Variants in CLDN1 observed in about 807,000 individuals in gnomAD.
The protein encoded by CLDN1 is claudin-1.
A neutral mutation model predicts 22.6 loss-of-function variants in CLDN1; 12 were observed. That is an observed-to-expected ratio of 0.53 (90% CI 0.34 to 0.86). The LOEUF (loss-of-function observed/expected upper bound fraction) is 0.86, where lower values mean the gene tolerates loss of function less well. Among genes scored for constraint, CLDN1 ranks in the 40% least tolerant of loss-of-function variants. The pLI is 0.02. For missense variants in CLDN1, 250 were observed against 269.5 expected, an observed-to-expected ratio of 0.93 and a Z score of 0.51; for synonymous variants, 99 against 103.8, an observed-to-expected ratio of 0.95 and a Z score of 0.28.
rs1221921292 is a variant in CLDN1, at chr3:190,322,086, C to A, written c.121G>T (p.Val41Leu). The A allele has an allele frequency of 6.2e-7, 1 of 1,614,080 alleles. No individual in the cohort carries two copies. Among genetic ancestry groups the A allele is most frequent in the Admixed American group, 1.7e-5 (1 of 60,012 alleles). The change falls in exon 1 of 4, where the codon GTG becomes TTG. Residue 41 changes from valine to leucine, a missense_variant. Physicochemically the swap from Val to Leu is conservative, Grantham distance 32. Transcript: ENST00000295522. ...CCCTCGTACATGGCCTGGGCGGTCA[C>A]GATGTTGTCGCCGGCATAGGAGTAA... ...RIYSYAGDNIVTAQAMYEGLW... is the reference protein window; with the variant it reads ...RIYSYAGDNILTAQAMYEGLW...
intron 1 of CLDN1, among the ~76,000 whole-genome samples, chr3:190,315,219 A>T (rs749045448): frequency 6.6e-6 from 1 of 152,142 alleles, no homozygotes; most frequent in Non-Finnish European, 1.5e-5. Flanking sequence ...TGAAGAGGAG[A>T]TGCTGAAAGT....
rs1209133784 is a variant in CLDN1 at position 190,322,386 on chromosome 3, G to C, written c.-180C>G. 7.8e-6 allele frequency: 5 copies of C among 641,906 alleles called. No individual in the cohort carries two copies. In the East Asian group the frequency reaches 1.4e-4, roughly 17 times the overall value. The allele number at this position is 641,906 out of a possible 1,614,324, so 39.8% of individuals were successfully genotyped here. A position where few individuals can be genotyped will look rare whatever the true frequency, so the allele number is the denominator to read the frequency against. ...GGGTCGGGGTTGGGGTCCGCGCCCGGGGCGGCGCTGGAGTCTGGATACTAG... is the reference window on the plus strand; with the variant it reads ...GGGTCGGGGTTGGGGTCCGCGCCCGCGGCGGCGCTGGAGTCTGGATACTAG... On this transcript the variant is annotated 5_prime_UTR_variant, in exon 1 of 4. Coordinates refer to ENST00000295522, the MANE Select transcript of CLDN1 (RefSeq NM_021101.5).
chr3:190,319,976 T>G (rs1365662626), intron 1 of CLDN1, among the ~76,000 whole-genome samples: 1 of 152,210 alleles, frequency 6.6e-6, no homozygotes, highest in African/African-American at 2.4e-5. Context: ...GAGAAAGGCC[T>G]AAGCCACACC....
chr3:190,310,412 T>G (rs1716581227), intron 2 of CLDN1, among the ~76,000 whole-genome samples, 159 bp from the exon 3 acceptor site: 1 of 152,180 alleles, frequency 6.6e-6, no homozygotes, highest in Non-Finnish European at 1.5e-5. Flanking sequence ...CAGATATGAT[T>G]TATTCCAAGT....
intron 2 of CLDN1, among the ~76,000 whole-genome samples, chr3:190,310,986 CT>C (rs960667495): frequency 1.4e-4 from 21 of 152,000 alleles, no homozygotes; most frequent in African/African-American, 5.1e-4. Context: ...AGTTAAATAA[CT>C]TTTTTGTAGT....
chr3:190,307,990 A>C lies in CLDN1; in HGVS notation c.*287T>G. ...AACATGTATATATACATATCTATATATATTTAAGGAGCACCCCTTCCCCCA... is the reference window on the plus strand; with the variant it reads ...AACATGTATATATACATATCTATATCTATTTAAGGAGCACCCCTTCCCCCA... On this transcript the variant is annotated 3_prime_UTR_variant, in exon 4 of 4. Coordinates refer to ENST00000295522, the MANE Select transcript of CLDN1 (RefSeq NM_021101.5). 2.9e-6 allele frequency: 1 copy of C among 344,462 alleles called. No homozygotes were observed. The highest frequency in any genetic ancestry group is 5.5e-6 in the Non-Finnish European group (1 of 180,306). The allele number at this position is 344,462 out of a possible 1,614,324, so 21.3% of individuals were successfully genotyped here.
intron 1 of CLDN1, among the ~76,000 whole-genome samples, chr3:190,319,753 C>A (rs2108614755): frequency 6.6e-6 from 1 of 152,284 alleles, no homozygotes; most frequent in African/African-American, 2.4e-5. Context: ...CACACATAAC[C>A]CTTTTCATCT....
rs1716458197 is a variant in CLDN1 at position 190,306,529 on chromosome 3, T to A, written c.*1748A>T. On this transcript the variant is annotated 3_prime_UTR_variant, in exon 4 of 4. Coordinates refer to ENST00000295522, the MANE Select transcript of CLDN1 (RefSeq NM_021101.5). The stretch of plus-strand genomic sequence containing the variant: ...TCTATCTCACTGGATCCCCACAACA[T>A]CACTGTGAGGTGGGAAGATCAGGAA... 2 of 152,438 alleles carry A rather than the reference T, an allele frequency of 1.3e-5. No homozygotes were observed. The highest frequency in any genetic ancestry group is 2.1e-4 in the South Asian group (1 of 4,832). The allele number at this position is 152,438 out of a possible 1,614,324, so 9.4% of individuals were successfully genotyped here. A position where few individuals can be genotyped will look rare whatever the true frequency, so the allele number is the denominator to read the frequency against.
At chr3:190,318,404 G>A (rs1326925815) in intron 1 of CLDN1, among the ~76,000 whole-genome samples, 1 of 152,132 alleles carries the variant, frequency 6.6e-6, no homozygotes, top group African/African-American at 2.4e-5. Flanking sequence ...AAAGAATTCT[G>A]GCACTGGAAG....
At chr3:190,316,395 G>A (rs886453249) in intron 1 of CLDN1, among the ~76,000 whole-genome samples, 3 of 152,154 alleles carry the variant, frequency 2.0e-5, no homozygotes, top group Non-Finnish European at 4.4e-5. Flanking sequence ...AGTTATATGT[G>A]AGGAAAATGC....
intron 3 of CLDN1, among the ~76,000 whole-genome samples, chr3:190,309,847 C>T (rs1254250305): frequency 6.6e-6 from 1 of 152,092 alleles, no homozygotes. Flanking sequence ...CATCAGAATA[C>T]ACTTCAAAAA....
Position 190,320,073 on chromosome 3 carries a change from T to TGGG in CLDN1, c.223+1908_223+1910dup, listed in dbSNP as rs3836453. Among the ~76,000 whole-genome samples, 5 of 151,944 alleles carry TGGG rather than the reference T, an allele frequency of 3.3e-5. No homozygotes were observed. The South Asian group carries it at 1.0e-3, about 32-fold the overall frequency. ...TAGGAAGACATCTCTAAAGTGTGTGTGGGGGGGTAGGTATTTAGTCCTTTC... is the reference window on the plus strand; with the variant it reads ...TAGGAAGACATCTCTAAAGTGTGTGTGGGGGGGGGGTAGGTATTTAGTCCTTTC... On this transcript the variant is annotated intron_variant, in intron 1 of 3. Transcript: ENST00000295522.
intron 1 of CLDN1, among the ~76,000 whole-genome samples, chr3:190,317,331 A>C (rs1716795819): frequency 6.6e-6 from 1 of 152,178 alleles, no homozygotes; most frequent in South Asian, 2.1e-4. Flanking sequence ...GCAGTCTTTT[A>C]ATTATATTTA....
chr3:190,317,631 T>C (rs1716805154), intron 1 of CLDN1, among the ~76,000 whole-genome samples: 1 of 152,228 alleles, frequency 6.6e-6, no homozygotes, highest in Non-Finnish European at 1.5e-5. Flanking sequence ...AGGTTCTATA[T>C]ATCATAAACA....
rs1376097484 is a variant in CLDN1, at chr3:190,310,225, C to T, written c.417G>A (p.Trp139Ter). The T allele has an allele frequency of 6.2e-7, 1 of 1,613,656 alleles. No homozygotes were observed. Among genetic ancestry groups the T allele is most frequent in the Non-Finnish European group, 8.5e-7 (1 of 1,179,680 alleles). The part of the protein sequence containing the change: ...AGLAILVATA[W>*]YGNRIVQEFY... ...ATTCTTGAACGATTCTATTGCCATA[C>T]CATGCTGTGGCAACTAAAATAGCCA... The change falls in exon 3 of 4, where the codon TGG becomes TGA. Residue 139 changes from tryptophan to a stop codon, truncating the protein, a stop_gained. Transcript: ENST00000295522. LOFTEE classifies it high-confidence loss of function.
chr3:190,310,361 G>A (rs373750572), intron 2 of CLDN1, 108 bp from the exon 3 acceptor site: 2 of 768,610 alleles, frequency 2.6e-6, no homozygotes, highest in African/African-American at 1.7e-5. Context: ...CTCATCAATA[G>A]TGTTGACATT....
In CLDN1 at chr3:190,312,985, A is replaced by C. The variant is rs200730047; in HGVS notation, c.275T>G (p.Val92Gly). 6.2e-7 allele frequency: 1 copy of C among 1,613,982 alleles called. No homozygotes were observed. The highest frequency in any genetic ancestry group is 8.5e-7 in the Non-Finnish European group (1 of 1,180,010). ...ALMVVGILLG[V>G]IAIFVATVGM... is the part of the protein sequence containing the mutation. ...AACGGTGGCCACAAAGATTGCTATC[A>C]CTCCCAGGAGGATGCCAACCACCAT... The change falls in exon 2 of 4, where the codon GTG becomes GGG. Residue 92 changes from valine to glycine, a missense_variant. Val to Gly is a moderately radical substitution (Grantham distance 109). Coordinates refer to ENST00000295522, the MANE Select transcript of CLDN1 (RefSeq NM_021101.5).
chr3:190,313,282 A>G, intron 1 of CLDN1: 2 of 504,292 alleles, frequency 4.0e-6, no homozygotes, highest in Non-Finnish European at 7.1e-6. Flanking sequence ...TTCCAACATT[A>G]AATTCAAAAT....
At chr3:190,316,495 T>C (rs1716773584) in intron 1 of CLDN1, among the ~76,000 whole-genome samples, 1 of 152,250 alleles carries the variant, frequency 6.6e-6, no homozygotes, top group Non-Finnish European at 1.5e-5. Context: ...AATGATAGGT[T>C]ACCAGTCAAA....
Sources: gnomAD v4.1 joint callset for allele counts (sites outside exome capture counted in the v4.1 genomes callset) on GRCh38, gnomAD v4.1.1 for gene constraint, MANE v1.5 for transcripts, NCBI Gene and HGNC (gene_info 2026-07-23, HGNC 2026-07-21) for gene names.